The following B4GALNT2 variants were observed in gnomAD, a reference collection of about 807,000 sequenced individuals.
The protein encoded by B4GALNT2 is N-acetylneuraminylgalactosylglucosyl-glucoside beta-1,4-N- acetylgalactosaminyltransferase 2.
B4GALNT2 carries 42 observed loss-of-function variants against 51.1 expected under a neutral mutation model. The ratio of observed to expected loss-of-function variants is 0.82; its 90% CI spans 0.64 to 1.06. B4GALNT2 has a LOEUF of 1.06. Ranked by LOEUF, B4GALNT2 falls within the 50% of genes least tolerant of loss-of-function variation. The pLI is 0.00. For missense variants in B4GALNT2, 602 were observed against 633.6 expected, an observed-to-expected ratio of 0.95 and a Z score of 0.54; for synonymous variants, 253 against 251.7, an observed-to-expected ratio of 1.01 and a Z score of -0.05.
intron 6 of B4GALNT2, 89 bp downstream of exon 6, chr17:49,159,306 TCC>T: frequency 7.2e-7 from 1 of 1,388,016 alleles, no homozygotes; most frequent in Non-Finnish European, 9.9e-7. Flanking sequence ...CAGGAAGCCT[TCC>T]TGTTTTTTGT....
the B4GALNT2 span, among the ~76,000 whole-genome samples, chr17:49,126,948 C>T: frequency 6.6e-6 from 1 of 151,962 alleles, no homozygotes; most frequent in Non-Finnish European, 1.5e-5. Context: ...AGGTGAACCA[C>T]CCGCCTTGGC....
chr17:49,165,515 A>C (rs368015747), intron 8 of B4GALNT2, among the ~76,000 whole-genome samples: 266 of 17,340 alleles, frequency 0.015, 1 homozygote, highest in African/African-American at 0.029. Flanking sequence ...TGTCTCTCTC[A>C]CTCCCCACTC....
chr17:49,143,203 T>A (rs537523870), intron 3 of B4GALNT2, among the ~76,000 whole-genome samples: 4 of 151,892 alleles, frequency 2.6e-5, no homozygotes, highest in African/African-American at 9.7e-5. Flanking sequence ...GAGCTGAGAT[T>A]GTGCCACTGC....
intron 6 of B4GALNT2, 81 bp from the exon 7 acceptor site, chr17:49,160,474 G>A (rs2042852975): frequency 6.7e-6 from 9 of 1,339,062 alleles, no homozygotes; most frequent in Non-Finnish European, 7.5e-6. Flanking sequence ...GTACTCGCCT[G>A]TCATGGTGGC....
At chr17:49,165,819 A>G (rs1334041438) in intron 8 of B4GALNT2, among the ~76,000 whole-genome samples, 2 of 152,088 alleles carry the variant, frequency 1.3e-5, no homozygotes, top group Non-Finnish European at 1.5e-5. Context: ...GTCAGGTGAA[A>G]AGGGACTTCA....
upstream of B4GALNT2, chr17:49,132,673 G>C: frequency 8.2e-7 from 1 of 1,225,288 alleles, no homozygotes; most frequent in Non-Finnish European, 1.1e-6. Context: ...GCCGTCCCAA[G>C]CGTCCTGCAC....
chr17:49,156,521 T>A (rs766800055), intron 4 of B4GALNT2, 45 bp from the exon 5 acceptor site: 13 of 1,607,662 alleles, frequency 8.1e-6, no homozygotes, highest in African/African-American at 2.7e-5. Flanking sequence ...GGAGCTGCGA[T>A]GTCTTTCATG....
At chr17:49,141,952 C>T in intron 2 of B4GALNT2, 83 bp from the exon 3 acceptor site, 2 of 1,540,842 alleles carry the variant, frequency 1.3e-6, no homozygotes, top group Non-Finnish European at 1.8e-6. Flanking sequence ...GGGTAAACTA[C>T]ACACTGGATT....
the B4GALNT2 span, among the ~76,000 whole-genome samples, chr17:49,126,640 TTC>T: frequency 2.9e-4 from 11 of 37,718 alleles, no homozygotes; most frequent in South Asian, 7.1e-4. Flanking sequence ...TTCTTTTTTT[TTC>T]TTTCTTTCTT....
At chr17:49,168,259 A>G (rs1293689754) in intron 9 of B4GALNT2, among the ~76,000 whole-genome samples, 6 of 152,224 alleles carry the variant, frequency 3.9e-5, no homozygotes, top group African/African-American at 1.4e-4. Context: ...AGCAGAAAAT[A>G]CTAGGAAGAC....
Position 49,160,642 on chromosome 17 carries a change from G to GT in B4GALNT2, c.766+2dup. ...CCCAAGCTATACGACCCTGGACCAGGTAAGGCCCTTGTCCTTGGGGCTCCG... is the reference window on the plus strand; with the variant it reads ...CCCAAGCTATACGACCCTGGACCAGGTTAAGGCCCTTGTCCTTGGGGCTCCG... On this transcript the variant is annotated splice_donor_variant, in intron 7 of 10. Coordinates refer to ENST00000393354, the MANE Select transcript of B4GALNT2 (RefSeq NM_001159387.2). LOFTEE classifies it high-confidence loss of function. 1 of 1,613,698 alleles carries GT rather than the reference G, an allele frequency of 6.2e-7. No homozygotes were observed. The highest frequency in any genetic ancestry group is 1.1e-5 in the South Asian group (1 of 91,062).
the B4GALNT2 span, among the ~76,000 whole-genome samples, chr17:49,123,234 C>T: frequency 7.2e-5 from 11 of 152,266 alleles, no homozygotes; most frequent in South Asian, 2.1e-4. Context: ...ATTCTGGGCA[C>T]CCTCAGTTAT....
chr17:49,139,799 A>G (rs994442351), intron 1 of B4GALNT2, among the ~76,000 whole-genome samples: 1 of 152,134 alleles, frequency 6.6e-6, no homozygotes, highest in Non-Finnish European at 1.5e-5. Flanking sequence ...TATGGGCATG[A>G]GCCACTATGC....
chr17:49,140,701 T>C (rs1283719362), intron 1 of B4GALNT2, among the ~76,000 whole-genome samples: 1 of 151,232 alleles, frequency 6.6e-6, no homozygotes, highest in African/African-American at 2.4e-5. Context: ...TGAATTTAGC[T>C]ATGCTGACAT....
chr17:49,131,394 G>A (rs80172879), upstream of B4GALNT2, among the ~76,000 whole-genome samples: 7,269 of 142,420 alleles, frequency 0.051, 247 homozygotes, highest in East Asian at 0.089. Context: ...GGACTCACCT[G>A]CATCAAAGTT....
intron 5 of B4GALNT2, 36 bp from the exon 6 acceptor site, chr17:49,159,001 C>T (rs2042836910): frequency 6.2e-7 from 1 of 1,600,908 alleles, no homozygotes; most frequent in African/African-American, 1.3e-5. Flanking sequence ...TTTTCCAATC[C>T]CTGCATTGAG....
intron 3 of B4GALNT2, among the ~76,000 whole-genome samples, chr17:49,150,890 CT>C (rs1255931137): frequency 2.6e-5 from 4 of 151,324 alleles, no homozygotes; most frequent in African/African-American, 9.8e-5. Context: ...CCAAATCCCC[CT>C]CTGCGAGAAA....
rs1466273102 is a variant in B4GALNT2, at chr17:49,175,045, GC to G, written c.*5321del. ...TGAATAGTCCCATGTTGTCCATCGGGCCCCTCACAATGCAAAATATAATTAC... is the reference window on the plus strand; with the variant it reads ...TGAATAGTCCCATGTTGTCCATCGGGCCCTCACAATGCAAAATATAATTAC... On this transcript the variant is annotated 3_prime_UTR_variant, in exon 11 of 11. Coordinates refer to ENST00000393354, the MANE Select transcript of B4GALNT2 (RefSeq NM_001159387.2). 3 of 152,114 alleles carry G rather than the reference GC, an allele frequency of 2.0e-5. No homozygotes were observed. The allele number at this position is 152,114 out of a possible 1,614,324, so 9.4% of individuals were successfully genotyped here. A position where few individuals can be genotyped will look rare whatever the true frequency, so the allele number is the denominator to read the frequency against.
At chr17:49,157,757 T>C (rs1355189367) in intron 5 of B4GALNT2, among the ~76,000 whole-genome samples, 1 of 152,218 alleles carries the variant, frequency 6.6e-6, no homozygotes, top group African/African-American at 2.4e-5. Context: ...CCATCGTGCC[T>C]GGCTATATTG....
Sources: allele counts gnomAD v4.1 joint callset (sites outside exome capture counted in the v4.1 genomes callset), GRCh38; gene constraint gnomAD v4.1.1; transcripts MANE v1.5; gene names NCBI Gene and HGNC (gene_info 2026-07-23, HGNC 2026-07-21).